Variants in PDE4D observed in about 807,000 individuals in gnomAD.
PDE4D encodes 3',5'-cyclic-AMP phosphodiesterase 4D.
Under a neutral mutation model 87.4 loss-of-function variants are expected in PDE4D, and 24 were observed. That is an observed-to-expected ratio of 0.27 (90% CI 0.20 to 0.39). The LOEUF is 0.39. Among genes scored for constraint, PDE4D ranks in the 10% least tolerant of loss-of-function variants. The pLI, the probability that PDE4D is intolerant of heterozygous loss-of-function variation, is 1.00. For missense variants in PDE4D, 714 were observed against 1,041.0 expected (o/e 0.69, Z 4.32); for synonymous variants, 384 against 383.2 (o/e 1.00, Z -0.02).
rs192748287 is a variant in PDE4D at position 60,044,513 on chromosome 5, C to G, written c.43-55796G>C. 3.8e-3 allele frequency among the ~76,000 whole-genome samples: 575 copies of G among 152,164 alleles called. 2 individuals carry two copies. The highest frequency in any genetic ancestry group is 6.6e-3 in the Non-Finnish European group (446 of 68,012). ...ATATCTCCCATTGCTATCCCTCCCCCCTACCCCCACCCCACAATAGTCCCC... is the reference window on the plus strand; with the variant it reads ...ATATCTCCCATTGCTATCCCTCCCCGCTACCCCCACCCCACAATAGTCCCC... On this transcript the variant is annotated intron_variant, in intron 2 of 16. Coordinates refer to the PDE4D transcript ENST00000502484.
At chr5:59,815,101 T>G (rs1247672577) in intron 1 of PDE4D, among the ~76,000 whole-genome samples, 1 of 152,126 alleles carries the variant, frequency 6.6e-6, no homozygotes, top group African/African-American at 2.4e-5. Context: ...ATAATTGTGG[T>G]AGAGAAGAGA....
chr5:60,375,995 C>T (rs985524558), intron 1 of PDE4D, among the ~76,000 whole-genome samples: 3 of 152,080 alleles, frequency 2.0e-5, no homozygotes, highest in Middle Eastern at 3.2e-3. Context: ...GCTGAGATCG[C>T]GCCACTGCAC....
At chr5:59,636,869 A>C (rs1272272858) in intron 1 of PDE4D, among the ~76,000 whole-genome samples, 3 of 152,228 alleles carry the variant, frequency 2.0e-5, no homozygotes, top group African/African-American at 7.2e-5. Flanking sequence ...CTAAAACACC[A>C]AAAGCAATGG....
rs554541028 is a variant in PDE4D, at chr5:60,499,773, T to C, written n.70+22278A>G. On this transcript the variant is annotated intron_variant and non_coding_transcript_variant, in intron 1 of 2. Coordinates refer to the PDE4D transcript ENST00000506510. ...CAACAAAGAGCGAGACAGGGAGAGT[T>C]GCACTGCTGGCCCAGACCATTTATA... Among the ~76,000 whole-genome samples, 3 of 152,244 alleles carry C rather than the reference T, an allele frequency of 2.0e-5. No homozygotes were observed. In the South Asian group the frequency reaches 6.2e-4, roughly 32 times the overall value.
intron 5 of PDE4D, among the ~76,000 whole-genome samples, chr5:59,096,890 T>G (rs1433711502): frequency 2.0e-5 from 3 of 152,152 alleles, no homozygotes; most frequent in Non-Finnish European, 4.4e-5. Flanking sequence ...AAGAGATACA[T>G]CCACAAGGAC....
rs1375916433 is a variant in PDE4D, at chr5:59,542,703, C to T, written c.456-326735G>A. Among the ~76,000 whole-genome samples, 3 of 152,152 alleles carry T rather than the reference C, an allele frequency of 2.0e-5. No homozygotes were observed. The East Asian group carries it at 5.8e-4, about 29-fold the overall frequency. Reference sequence around the variant, plus strand: ...AATACAACCTGGGCTTGTACACCATCCAGTATGATAGAAAAACATATAATC... The same window carrying T: ...AATACAACCTGGGCTTGTACACCATTCAGTATGATAGAAAAACATATAATC... On this transcript the variant is annotated intron_variant, in intron 1 of 14. Transcript: ENST00000340635.
At chr5:60,093,077 T>C (rs1291500757) in intron 2 of PDE4D, among the ~76,000 whole-genome samples, 5 of 152,202 alleles carry the variant, frequency 3.3e-5, no homozygotes, top group Admixed American at 1.3e-4. Context: ...GTGAGGTAAG[T>C]GTGTAAATTA....
chr5:60,280,546 G>A (rs1371165612), intron 1 of PDE4D, among the ~76,000 whole-genome samples: 2 of 152,100 alleles, frequency 1.3e-5, no homozygotes, highest in Non-Finnish European at 2.9e-5. Context: ...AAGAGAGTAA[G>A]AAACAAACCA....
chr5:59,741,312 C>T (rs1758800689), intron 1 of PDE4D, among the ~76,000 whole-genome samples: 1 of 152,130 alleles, frequency 6.6e-6, no homozygotes, highest in Non-Finnish European at 1.5e-5. Flanking sequence ...TGTCACTACG[C>T]AGGTGAAATA....
chr5:59,382,919 G>A (rs2153603805), intron 1 of PDE4D, among the ~76,000 whole-genome samples: 1 of 152,188 alleles, frequency 6.6e-6, no homozygotes, highest in South Asian at 2.1e-4. Context: ...GCATGCTGTA[G>A]ACACTCAAAA....
chr5:60,415,465 C>T (rs1742417984), intron 1 of PDE4D, among the ~76,000 whole-genome samples: 1 of 152,218 alleles, frequency 6.6e-6, no homozygotes, highest in Admixed American at 6.5e-5. Context: ...GGGAGAGGTG[C>T]AGGCGGGAAC....
At chr5:59,072,130 T>C (rs6864156) in intron 5 of PDE4D, among the ~76,000 whole-genome samples, 11,787 of 152,274 alleles carry the variant, frequency 0.077, 689 homozygotes, top group East Asian at 0.13. Flanking sequence ...TCTGTTTGCA[T>C]AGGTAAGATT....
chr5:60,416,466 C>T (rs1258780920), intron 1 of PDE4D, among the ~76,000 whole-genome samples: 1 of 152,100 alleles, frequency 6.6e-6, no homozygotes, highest in African/African-American at 2.4e-5. Flanking sequence ...CGGAAGCCAG[C>T]GAGACCACAA....
intron 5 of PDE4D, among the ~76,000 whole-genome samples, chr5:59,171,849 T>C (rs1244949713): frequency 3.0e-5 from 4 of 135,194 alleles, no homozygotes; most frequent in African/African-American, 1.1e-4. Context: ...ATATTTATTT[T>C]ATAATAAACA....
intron 1 of PDE4D, among the ~76,000 whole-genome samples, chr5:59,606,034 T>A (rs1255934128): frequency 6.6e-6 from 1 of 152,238 alleles, no homozygotes; most frequent in African/African-American, 2.4e-5. Context: ...TTGATATACA[T>A]ATATTCATAT....
intron 2 of PDE4D, among the ~76,000 whole-genome samples, chr5:59,992,170 G>A (rs1763075575): frequency 6.6e-6 from 1 of 152,160 alleles, no homozygotes; most frequent in Non-Finnish European, 1.5e-5. Flanking sequence ...GGTTTTCCAG[G>A]GACTCTTGGG....
chr5:59,079,560 T>C (rs892683508), intron 5 of PDE4D, among the ~76,000 whole-genome samples: 2 of 151,950 alleles, frequency 1.3e-5, no homozygotes, highest in Non-Finnish European at 2.9e-5. Context: ...AAGAGATGGC[T>C]CATGCCTGTA....
chr5:59,820,341 C>T (rs569506472), intron 1 of PDE4D, among the ~76,000 whole-genome samples: 55 of 152,246 alleles, frequency 3.6e-4, no homozygotes, highest in Non-Finnish European at 6.9e-4. Flanking sequence ...TCTCCTCAGG[C>T]TATCCCCAAA....
At chr5:59,757,798 T>C (rs902074977) in intron 1 of PDE4D, among the ~76,000 whole-genome samples, 2 of 152,174 alleles carry the variant, frequency 1.3e-5, no homozygotes, top group Non-Finnish European at 2.9e-5. Context: ...TGGCTTTGTT[T>C]TTACACCTCT....
Sources: allele counts gnomAD v4.1 joint callset (sites outside exome capture counted in the v4.1 genomes callset), GRCh38; gene constraint gnomAD v4.1.1; transcripts MANE v1.5; gene names NCBI Gene and HGNC (gene_info 2026-07-23, HGNC 2026-07-21).